Variants in BIN1 observed in about 807,000 individuals in gnomAD.
BIN1 encodes myc box-dependent-interacting protein 1.
BIN1 carries 53 observed loss-of-function variants against 82.0 expected under a neutral mutation model. The ratio of observed to expected loss-of-function variants is 0.65; its 90% CI spans 0.52 to 0.81. The LOEUF (loss-of-function observed/expected upper bound fraction) is 0.81. Ranked by LOEUF, BIN1 falls within the 40% of genes least tolerant of loss-of-function variation. BIN1 has a pLI of 0.00. For missense variants in BIN1, 642 were observed against 784.4 expected, an observed-to-expected ratio of 0.82 and a Z score of 2.17; for synonymous variants, 302 against 328.0, an observed-to-expected ratio of 0.92 and a Z score of 0.86.
At chr2:127,083,808 G>A (rs963793752) in intron 1 of BIN1, among the ~76,000 whole-genome samples, 3 of 152,158 alleles carry the variant, frequency 2.0e-5, no homozygotes, top group African/African-American at 4.8e-5. Context: ...CAATCACTTG[G>A]AGAATGCCCC....
Position 127,070,110 on chromosome 2 carries a change from G to A in BIN1, c.316-20C>T, listed in dbSNP as rs773363570. On this transcript the variant is annotated intron_variant, in intron 4 of 18. Coordinates refer to ENST00000316724, the MANE Select transcript of BIN1 (RefSeq NM_139343.3). ...GTTGTTCTGAGACAGGCAAGAGCAC[G>A]ACAGTGCCACCAGGAGGGCTGGGCC... 23 of 1,609,256 alleles carry A rather than the reference G, an allele frequency of 1.4e-5. No individual in the cohort carries two copies. Among genetic ancestry groups the A allele is most frequent in the African/African-American group, 1.2e-4 (9 of 74,846 alleles).
At chr2:127,063,319 A>C (rs1684735867) in intron 9 of BIN1, among the ~76,000 whole-genome samples, 1 of 152,238 alleles carries the variant, frequency 6.6e-6, no homozygotes, top group Admixed American at 6.5e-5. Context: ...GGCCTGGTCT[A>C]CATTCTCAGG....
At chr2:127,073,798 G>A (rs994746401) in intron 2 of BIN1, among the ~76,000 whole-genome samples, 11 of 152,254 alleles carry the variant, frequency 7.2e-5, no homozygotes, top group Admixed American at 2.0e-4. Context: ...AGCTACAGAC[G>A]GACCCTAGGA....
intron 18 of BIN1, among the ~76,000 whole-genome samples, chr2:127,049,754 C>T (rs1682638159): frequency 6.6e-6 from 1 of 152,214 alleles, no homozygotes; most frequent in Non-Finnish European, 1.5e-5. Flanking sequence ...CTGGGAGGGG[C>T]AACTGACCCA....
chr2:127,085,765 C>A (rs1168415333), intron 1 of BIN1, among the ~76,000 whole-genome samples: 1 of 152,230 alleles, frequency 6.6e-6, no homozygotes, highest in Non-Finnish European at 1.5e-5. Context: ...GGGAGCTGAG[C>A]CAGGCCTCAG....
rs751324347 is a variant in BIN1 at position 127,068,187 on chromosome 2, A to C, written c.588T>G (p.Ala196=). 1.9e-6 allele frequency: 3 copies of C among 1,613,590 alleles called. No individual in the cohort carries two copies. Among genetic ancestry groups the C allele is most frequent in the East Asian group, 4.5e-5 (2 of 44,824 alleles). Residue 196 remains alanine, a synonymous_variant, in exon 7 of 19, where the codon GCT becomes GCG. Transcript: ENST00000316724. This position sits in a 1 kb window ranked among gnomAD's most constrained non-coding sequence, Gnocchi z 4.9. ...CCTGATTTCGGAGCAGGTTAGTTTG[A>C]GCTACGAGATGAGCCTGCAGTTTGC... ...CQGKLQAHLV[A]QTNLLRNQAE...
chr2:127,074,193 C>G (rs1428001802), intron 2 of BIN1, among the ~76,000 whole-genome samples: 1 of 152,116 alleles, frequency 6.6e-6, no homozygotes, highest in Non-Finnish European at 1.5e-5. Context: ...CATTCTCTCT[C>G]TCCTTTCCCA....
At chr2:127,098,871 G>A (rs536709030) in intron 1 of BIN1, among the ~76,000 whole-genome samples, 2 of 152,302 alleles carry the variant, frequency 1.3e-5, no homozygotes, top group Admixed American at 6.5e-5. Context: ...AGGACTCCTC[G>A]GCTGGGCCTG....
At chr2:127,094,864 G>T (rs1051843208) in intron 1 of BIN1, among the ~76,000 whole-genome samples, 21 of 152,228 alleles carry the variant, frequency 1.4e-4, no homozygotes, top group Admixed American at 1.3e-3. Flanking sequence ...GCCCCCGGGT[G>T]GTGCTGCCCC....
rs938572891 is a variant in BIN1, at chr2:127,068,020, A to G, written c.612+143T>C. On this transcript the variant is annotated intron_variant, in intron 7 of 18. Coordinates refer to ENST00000316724, the MANE Select transcript of BIN1 (RefSeq NM_139343.3). The surrounding 1 kb of genome is among the most constrained non-coding windows in gnomAD (Gnocchi z 4.9). ...ACATTTGACTTCAGGTCTCCTCTGAAGCAGAGCTCTCCCAGCAGAGGCCTT... is the reference window on the plus strand; with the variant it reads ...ACATTTGACTTCAGGTCTCCTCTGAGGCAGAGCTCTCCCAGCAGAGGCCTT... 1.2e-6 allele frequency: 1 copy of G among 850,342 alleles called. No homozygotes were observed. Among genetic ancestry groups the G allele is most frequent in the Non-Finnish European group, 1.9e-6 (1 of 523,084 alleles). 52.7% of individuals were successfully genotyped at this position (850,342 alleles called of 1,614,324 possible).
intron 1 of BIN1, among the ~76,000 whole-genome samples, chr2:127,077,143 G>A (rs911810210): frequency 1.3e-5 from 2 of 152,190 alleles, no homozygotes; most frequent in African/African-American, 4.8e-5. Context: ...CTGGGCCCAG[G>A]CCCATGAATG....
intron 5 of BIN1, among the ~76,000 whole-genome samples, chr2:127,069,506 C>T (rs1685587594): frequency 6.6e-6 from 1 of 152,168 alleles, no homozygotes; most frequent in Non-Finnish European, 1.5e-5. Context: ...AGAGACACTG[C>T]CAGCTCCGAG....
chr2:127,091,865 C>A (rs933089437), intron 1 of BIN1, among the ~76,000 whole-genome samples: 1 of 152,088 alleles, frequency 6.6e-6, no homozygotes. Context: ...CCATTACACT[C>A]AGCCTGGGTA....
At chr2:127,089,325 C>T (rs1558870590) in intron 1 of BIN1, among the ~76,000 whole-genome samples, 1 of 152,258 alleles carries the variant, frequency 6.6e-6, no homozygotes, top group African/African-American at 2.4e-5. Context: ...TGAGCCAAGA[C>T]TTGATTTTGC....
chr2:127,061,625 C>G (rs1299387045), intron 10 of BIN1, among the ~76,000 whole-genome samples: 1 of 152,216 alleles, frequency 6.6e-6, no homozygotes, highest in Admixed American at 6.5e-5. Flanking sequence ...GCTGGGATTC[C>G]CGGAGGGGCT....
intron 1 of BIN1, among the ~76,000 whole-genome samples, chr2:127,100,635 G>A (rs1230188201): frequency 6.6e-6 from 1 of 152,216 alleles, no homozygotes; most frequent in Non-Finnish European, 1.5e-5. Context: ...TTATGTTTAA[G>A]TTAATATTTG....
At chr2:127,086,282 G>A (rs999097260) in intron 1 of BIN1, among the ~76,000 whole-genome samples, 1 of 152,190 alleles carries the variant, frequency 6.6e-6, no homozygotes, top group African/African-American at 2.4e-5. Flanking sequence ...CAGACACTGG[G>A]GGGAGCGGGC....
In BIN1 at chr2:127,106,827, ACTCCGCGGCTGCTGGGG is replaced by A; in HGVS notation, c.84+16_84+32del. ...TGGCCGGGGCTCCGCGGCGGCTGGG[ACTCCGCGGCTGCTGGGG>A]CTCCGGCTCGCTCACCTTCTCCTGC... On this transcript the variant is annotated intron_variant, in intron 1 of 18. Coordinates refer to ENST00000316724, the MANE Select transcript of BIN1 (RefSeq NM_139343.3). 1 of 1,571,276 alleles carries A rather than the reference ACTCCGCGGCTGCTGGGG, an allele frequency of 6.4e-7. No individual in the cohort carries two copies. Among genetic ancestry groups the A allele is most frequent in the Non-Finnish European group, 8.6e-7 (1 of 1,161,458 alleles).
chr2:127,087,225 C>G (rs1678291134), intron 1 of BIN1, among the ~76,000 whole-genome samples: 1 of 152,182 alleles, frequency 6.6e-6, no homozygotes, highest in Admixed American at 6.5e-5. Context: ...CTGTCTGCAT[C>G]AGAGCTGGCA....
Sources: allele counts gnomAD v4.1 joint callset (sites outside exome capture counted in the v4.1 genomes callset), GRCh38; gene constraint gnomAD v4.1.1; non-coding constraint Gnocchi (gnomAD v3.1); transcripts MANE v1.5; gene names NCBI Gene and HGNC (gene_info 2026-07-23, HGNC 2026-07-21).